The following NUS1 variants were observed in gnomAD, a reference collection of about 807,000 sequenced individuals.
NUS1 encodes NUS1 dehydrodolichyl diphosphate synthase subunit.
For missense variants in NUS1, 292 were observed against 382.9 expected (o/e 0.76, Z 1.98); for synonymous variants, 135 against 155.2 (o/e 0.87, Z 0.97).
At chr6:117,704,254 T>TA (rs1213434544) in intron 4 of NUS1, among the ~76,000 whole-genome samples, 3 of 152,118 alleles carry the variant, frequency 2.0e-5, no homozygotes, top group African/African-American at 7.2e-5. Context: ...TTTAGCAGCT[T>TA]ATGCACTAGA....
chr6:117,693,570 AT>A (rs1246001012), intron 2 of NUS1, among the ~76,000 whole-genome samples: 1 of 152,300 alleles, frequency 6.6e-6, no homozygotes, highest in East Asian at 1.9e-4. Flanking sequence ...CAATTGTAAG[AT>A]AGCTCCTATA....
intron 1 of NUS1, among the ~76,000 whole-genome samples, chr6:117,686,873 T>C (rs1773148787): frequency 6.6e-6 from 1 of 151,172 alleles, no homozygotes; most frequent in Admixed American, 6.6e-5. Context: ...TGTGTGTGTG[T>C]GTGTGTGTGT....
chr6:117,675,675 C>G lies in NUS1; in HGVS notation c.5C>G (p.Thr2Arg). The G allele has an allele frequency of 6.8e-7, 1 of 1,462,618 alleles. No homozygotes were observed. Among genetic ancestry groups the G allele is most frequent in the African/African-American group, 1.4e-5 (1 of 72,610 alleles). The allele number at this position is 1,462,618 out of a possible 1,614,324, so 90.6% of individuals were successfully genotyped here. A position where few individuals can be genotyped will look rare whatever the true frequency, so the allele number is the denominator to read the frequency against. M[T>R]GLYELVWRVL... ...GTGTCTGAGGGCCACAAGAGTATGACGGGGCTGTACGAGCTGGTGTGGCGG... is the reference window on the plus strand; with the variant it reads ...GTGTCTGAGGGCCACAAGAGTATGAGGGGGCTGTACGAGCTGGTGTGGCGG... The change falls in exon 1 of 5, where the codon ACG (threonine) becomes AGG (arginine). Residue 2 changes from threonine to arginine, a missense_variant. By Grantham distance (71) the Thr-to-Arg change is moderately conservative (BLOSUM62 -1). Coordinates refer to ENST00000368494, the MANE Select transcript of NUS1 (RefSeq NM_138459.5).
intron 3 of NUS1, 85 bp from the exon 4 acceptor site, chr6:117,703,520 T>C (rs1773458483): frequency 1.0e-6 from 1 of 969,002 alleles, no homozygotes; most frequent in East Asian, 2.4e-5. Flanking sequence ...ATTAATACAT[T>C]TTGCCCATGA....
chr6:117,678,386 A>G (rs1221817457), intron 1 of NUS1, among the ~76,000 whole-genome samples: 1 of 152,228 alleles, frequency 6.6e-6, no homozygotes, highest in Non-Finnish European at 1.5e-5. Flanking sequence ...ACTCTTCCAG[A>G]CATGGGAATG....
chr6:117,693,250 T>C (rs1012047583), intron 2 of NUS1, 83 bp downstream of exon 2: 3 of 1,353,164 alleles, frequency 2.2e-6, no homozygotes, highest in Non-Finnish European at 3.1e-6. Context: ...ACTCTGTCAT[T>C]TATTCATTCA....
intron 1 of NUS1, among the ~76,000 whole-genome samples, chr6:117,684,937 A>C (rs1251463798): frequency 1.3e-5 from 2 of 152,274 alleles, no homozygotes; most frequent in African/African-American, 4.8e-5. Flanking sequence ...CACTAGGATT[A>C]CATATGCATG....
At position 117,703,720 on chromosome 6, in the gene NUS1, C is replaced by G. The variant is rs1024202113; in HGVS notation, c.791+16C>G. Reference sequence around the variant, plus strand: ...CTGAGATTGTGTAAGTAATTAAAAGCGTACTGACTTTGTTTAGATTCAGCA... The same window carrying G: ...CTGAGATTGTGTAAGTAATTAAAAGGGTACTGACTTTGTTTAGATTCAGCA... On this transcript the variant is annotated intron_variant, in intron 4 of 4. Coordinates refer to ENST00000368494, the MANE Select transcript of NUS1 (RefSeq NM_138459.5). The G allele has an allele frequency of 4.5e-6, 7 of 1,552,714 alleles. No homozygotes were observed. The African/African-American group carries it at 8.1e-5, about 18-fold the overall frequency.
chr6:117,707,476 G>A lies in NUS1; in HGVS notation c.*461G>A, dbSNP rs1773517179. The A allele has an allele frequency of 6.8e-6, 1 of 146,386 alleles. No individual in the cohort carries two copies. The highest frequency in any genetic ancestry group is 1.4e-5 in the Non-Finnish European group (1 of 69,446). 9.1% of individuals were successfully genotyped at this position (146,386 alleles called of 1,614,324 possible). ...TTTAAGAATAATATATTGACTTACT[G>A]AACTGAAGCATTCTGAGTTGAAAGG... On this transcript the variant is annotated 3_prime_UTR_variant, in exon 5 of 5. Transcript: ENST00000368494.
At position 117,675,836 on chromosome 6, in the gene NUS1, C is replaced by T. The variant is rs896791770; in HGVS notation, c.166C>T (p.Leu56Phe). 7.1e-6 allele frequency: 11 copies of T among 1,543,556 alleles called. No homozygotes were observed. In the African/African-American group the frequency reaches 1.2e-4, roughly 17 times the overall value. Residue 56 changes from leucine (L) to phenylalanine (F), a missense_variant, in exon 1 of 5, where the codon CTC (leucine) becomes TTC (phenylalanine). Transcript: ENST00000368494. ...GGTCCTAGCGCCGCTCGGCTTCACG[C>T]TCCGCAAGCCCCCGGCAGTCGGCAG... Reference protein sequence around the residue: ...AAVLAPLGFTLRKPPAVGRNR... With the variant: ...AAVLAPLGFTFRKPPAVGRNR...
rs1772962514 is a variant in NUS1 at position 117,675,724 on chromosome 6, G to A, written c.54G>A (p.Leu18=). Residue 18 remains leucine, a synonymous_variant, in exon 1 of 5, where the codon CTG becomes CTA. Transcript: ENST00000368494. ...VWRVLHALLC[L]HRTLTSWLRV... ...GGGTGCTGCACGCGCTGCTCTGTCT[G>A]CACCGCACGCTCACCTCCTGGCTCC... 1 of 1,522,480 alleles carries A rather than the reference G, an allele frequency of 6.6e-7. No homozygotes were observed. Among genetic ancestry groups the A allele is most frequent in the Non-Finnish European group, 8.8e-7 (1 of 1,133,160 alleles). 94.3% of individuals were successfully genotyped at this position (1,522,480 alleles called of 1,614,324 possible).
At chr6:117,700,099 C>G (rs1773385185) in intron 3 of NUS1, among the ~76,000 whole-genome samples, 1 of 151,768 alleles carries the variant, frequency 6.6e-6, no homozygotes, top group Admixed American at 6.6e-5. Context: ...TGAACTGGGC[C>G]AAACCCTACA....
At chr6:117,676,173 T>C in intron 1 of NUS1, 88 bp downstream of exon 1, 2 of 1,536,148 alleles carry the variant, frequency 1.3e-6, no homozygotes, top group Non-Finnish European at 1.8e-6. Flanking sequence ...TGGCACGAGT[T>C]GCCGCGGCCT....
rs186620942 is a variant in NUS1 at position 117,682,853 on chromosome 6, C to A, written c.415+6768C>A. Among the ~76,000 whole-genome samples, 367 of 152,306 alleles carry A rather than the reference C, an allele frequency of 2.4e-3. 1 individual carries two copies. The highest frequency in any genetic ancestry group is 3.3e-3 in the Non-Finnish European group (223 of 68,022). On this transcript the variant is annotated intron_variant, in intron 1 of 4. Transcript: ENST00000368494. ...GGTAAAAGAATGTGACGACAGTAGT[C>A]ACTTTTAGTACTGTTTCTGATTCTT...
chr6:117,697,778 T>C (rs1405371665), intron 3 of NUS1, among the ~76,000 whole-genome samples: 1 of 152,034 alleles, frequency 6.6e-6, no homozygotes, highest in African/African-American at 2.4e-5. Flanking sequence ...ACAAGAAACA[T>C]TGAACTTAAT....
At position 117,706,954 on chromosome 6, in the gene NUS1, A is replaced by T; in HGVS notation, c.821A>T (p.Tyr274Phe). 1.2e-6 allele frequency: 2 copies of T among 1,612,846 alleles called. No homozygotes were observed. The highest frequency in any genetic ancestry group is 1.7e-4 in the Middle Eastern group (1 of 6,052). ...TTGCCTTCCCACCTAAACATCAGTT[A>T]TGAGGACTTTTTCTCTGCCCTTCGT... The part of the protein sequence containing the change: ...VSLPSHLNIS[Y>F]EDFFSALRQY... The change falls in exon 5 of 5, where the codon TAT (tyrosine) becomes TTT (phenylalanine). Residue 274 changes from tyrosine (Y) to phenylalanine (F), a missense_variant. Coordinates refer to ENST00000368494, the MANE Select transcript of NUS1 (RefSeq NM_138459.5).
At position 117,707,712 on chromosome 6, in the gene NUS1, T is replaced by C. The variant is rs1348541649; in HGVS notation, c.*697T>C. 6.7e-6 allele frequency: 1 copy of C among 150,072 alleles called. No individual in the cohort carries two copies. Among genetic ancestry groups the C allele is most frequent in the Admixed American group, 6.7e-5 (1 of 14,912 alleles). The allele number at this position is 150,072 out of a possible 1,614,324, so 9.3% of individuals were successfully genotyped here. ...CAAAAGTATGACTTGAGAGTGTTGC[T>C]CTGGTATTCTGAGAGTTGCTCTGTA... On this transcript the variant is annotated 3_prime_UTR_variant, in exon 5 of 5. Coordinates refer to ENST00000368494, the MANE Select transcript of NUS1 (RefSeq NM_138459.5).
chr6:117,699,440 A>G (rs1052507778), intron 3 of NUS1, among the ~76,000 whole-genome samples: 38 of 152,184 alleles, frequency 2.5e-4, no homozygotes, highest in African/African-American at 9.2e-4. Flanking sequence ...AAAGAAGTGA[A>G]AGATCTCTAC....
In NUS1 at chr6:117,694,049, C is replaced by T; in HGVS notation, c.560C>T (p.Ala187Val). The change falls in exon 3 of 5, where the codon GCA (alanine) becomes GTA (valine). Residue 187 changes from alanine to valine, a missense_variant. Ala to Val is a moderately conservative substitution (Grantham distance 64). Coordinates refer to ENST00000368494, the MANE Select transcript of NUS1 (RefSeq NM_138459.5). ...CTTCCAGTTTTAAATTGCCATTTGG[C>T]AGTGAAGGTGCTGTCTCCGGAAGAT... is the stretch of plus-strand genomic sequence containing the variant. ...KDDQVLNCHL[A>V]VKVLSPEDGK... is the part of the protein sequence containing the mutation. 6.9e-6 allele frequency: 11 copies of T among 1,602,980 alleles called. No individual in the cohort carries two copies. Among genetic ancestry groups the T allele is most frequent in the South Asian group, 1.1e-5 (1 of 89,228 alleles).
Sources: allele counts gnomAD v4.1 joint callset (sites outside exome capture counted in the v4.1 genomes callset), GRCh38; gene constraint gnomAD v4.1.1; transcripts MANE v1.5; gene names NCBI Gene and HGNC (gene_info 2026-07-23, HGNC 2026-07-21).